The following ITSN1 variants were observed in gnomAD, a reference collection of about 807,000 sequenced individuals.
The protein encoded by ITSN1 is intersectin-1.
In ITSN1, 58 loss-of-function variants were observed where a neutral mutation model predicts 239.8. The observed-to-expected ratio is 0.24, with a 90% CI of 0.20 to 0.30. The LOEUF (loss-of-function observed/expected upper bound fraction) is 0.30. Ranked by LOEUF, ITSN1 falls within the 10% of genes least tolerant of loss-of-function variation. ITSN1 has a pLI of 1.00. For missense variants in ITSN1, 1,558 were observed against 2,103.3 expected (o/e 0.74, Z 5.07); for synonymous variants, 780 against 770.8 (o/e 1.01, Z -0.20).
chr21:33,885,574 C>T (rs372816191), intron 38 of ITSN1, 52 bp downstream of exon 38: 42 of 1,405,126 alleles, frequency 3.0e-5, no homozygotes, highest in South Asian at 1.3e-4. Context: ...GAGTAGGGTC[C>T]GGGTTCCCCA....
intron 11 of ITSN1, among the ~76,000 whole-genome samples, chr21:33,769,910 G>A (rs1250396913): frequency 6.6e-6 from 1 of 151,828 alleles, no homozygotes; most frequent in East Asian, 1.9e-4. Context: ...TGGTCAGGCT[G>A]GTCTTGAACT....
chr21:33,792,839 T>C (rs1487585197), intron 16 of ITSN1, among the ~76,000 whole-genome samples: 1 of 152,166 alleles, frequency 6.6e-6, no homozygotes, highest in Non-Finnish European at 1.5e-5. Flanking sequence ...GTTCCCAGTG[T>C]CATCTGCTAG....
intron 1 of ITSN1, among the ~76,000 whole-genome samples, chr21:33,658,283 C>T (rs2089260313): frequency 1.3e-5 from 2 of 152,114 alleles, no homozygotes. Flanking sequence ...GTCTTACTGT[C>T]TCAGGGGTGA....
intron 5 of ITSN1, among the ~76,000 whole-genome samples, chr21:33,749,411 G>T (rs570864099): frequency 6.6e-6 from 1 of 152,264 alleles, no homozygotes; most frequent in African/African-American, 2.4e-5. Flanking sequence ...GGGAGGCCAA[G>T]GCAGGTGGAT....
intron 1 of ITSN1, among the ~76,000 whole-genome samples, chr21:33,680,001 C>G (rs2090848035): frequency 6.6e-6 from 1 of 151,972 alleles, no homozygotes; most frequent in Non-Finnish European, 1.5e-5. Context: ...CCCAGCCCAT[C>G]CTTTTGTTTT....
At chr21:33,738,419 C>T (rs1452569480) in intron 5 of ITSN1, among the ~76,000 whole-genome samples, 1 of 151,642 alleles carries the variant, frequency 6.6e-6, no homozygotes, top group African/African-American at 2.4e-5. Flanking sequence ...TATCTAAAGG[C>T]GAGATGGAGT....
intron 1 of ITSN1, among the ~76,000 whole-genome samples, chr21:33,656,024 T>C (rs1056579875): frequency 2.6e-5 from 4 of 152,124 alleles, no homozygotes; most frequent in African/African-American, 9.7e-5. Context: ...TTATTCATAA[T>C]TGTATTTGTA....
At chr21:33,699,541 G>A (rs1369066114) in intron 1 of ITSN1, among the ~76,000 whole-genome samples, 2 of 152,048 alleles carry the variant, frequency 1.3e-5, no homozygotes. Context: ...GCAACATGGT[G>A]AAACCCTGTC....
chr21:33,747,865 G>A (rs541327822), intron 5 of ITSN1, among the ~76,000 whole-genome samples: 145 of 152,238 alleles, frequency 9.5e-4, no homozygotes, highest in African/African-American at 3.4e-3. Context: ...ATGACAAAAG[G>A]TGGTAACTTT....
At chr21:33,702,115 T>TAAAG (rs1568975034) in intron 1 of ITSN1, among the ~76,000 whole-genome samples, 16 of 918 alleles carry the variant, frequency 0.017, no homozygotes, top group Admixed American at 0.044. Context: ...TTTTTTTTTT[T>TAAAG]TTTTTTTTTT....
chr21:33,717,603 T>A (rs928044098), intron 1 of ITSN1, among the ~76,000 whole-genome samples: 1 of 152,148 alleles, frequency 6.6e-6, no homozygotes, highest in Non-Finnish European at 1.5e-5. Flanking sequence ...TCACCCAGGC[T>A]GGAGTGCAGG....
intron 5 of ITSN1, 133 bp downstream of exon 5, chr21:33,735,337 C>T (rs1415090609): frequency 1.1e-6 from 1 of 898,566 alleles, no homozygotes; most frequent in South Asian, 1.4e-5. Context: ...TGATGGCCCC[C>T]TGCAGGAAGA....
At chr21:33,827,422 A>G (rs183902110) in intron 26 of ITSN1, among the ~76,000 whole-genome samples, 2 of 152,220 alleles carry the variant, frequency 1.3e-5, no homozygotes, top group African/African-American at 2.4e-5. Flanking sequence ...AAAATAAAAT[A>G]AAATAAATAT....
intron 8 of ITSN1, chr21:33,756,734 C>T (rs2067946525): frequency 6.6e-6 from 1 of 151,994 alleles, no homozygotes. Context: ...CCTCATAAAG[C>T]AGTAGCTGTC....
chr21:33,645,120 C>T (rs376950647), intron 1 of ITSN1, among the ~76,000 whole-genome samples: 10 of 152,304 alleles, frequency 6.6e-5, no homozygotes, highest in Non-Finnish European at 1.3e-4. Flanking sequence ...CACCATGCTT[C>T]GTCCAAATTC....
At chr21:33,651,728 T>C (rs1057044318) in intron 1 of ITSN1, among the ~76,000 whole-genome samples, 7 of 152,234 alleles carry the variant, frequency 4.6e-5, no homozygotes, top group African/African-American at 1.7e-4. Context: ...GCTTTTGCAT[T>C]GTCTATAGAA....
chr21:33,740,435 T>A (rs2066775310), intron 5 of ITSN1, among the ~76,000 whole-genome samples: 1 of 152,200 alleles, frequency 6.6e-6, no homozygotes, highest in Admixed American at 6.5e-5. Context: ...ATTGGTGTCC[T>A]GCTACCAAGA....
intron 1 of ITSN1, among the ~76,000 whole-genome samples, chr21:33,680,788 A>G (rs970768510): frequency 2.0e-5 from 3 of 152,200 alleles, no homozygotes; most frequent in African/African-American, 7.2e-5. Context: ...ATCCTCATCT[A>G]CCACTTAGAA....
At chr21:33,768,569 CTG>C (rs1421031547) in intron 11 of ITSN1, among the ~76,000 whole-genome samples, 1 of 152,206 alleles carries the variant, frequency 6.6e-6, no homozygotes, top group African/African-American at 2.4e-5. Context: ...GCGTGAGTCA[CTG>C]TGCCCAGCTG....
Sources: gnomAD v4.1 joint callset for allele counts (sites outside exome capture counted in the v4.1 genomes callset) on GRCh38, gnomAD v4.1.1 for gene constraint, MANE v1.5 for transcripts, NCBI Gene and HGNC (gene_info 2026-07-23, HGNC 2026-07-21) for gene names.